Variants in RASAL2 observed in about 807,000 individuals in gnomAD.
RASAL2 encodes ras GTPase-activating protein nGAP.
Under a neutral mutation model 128.9 loss-of-function variants are expected in RASAL2, and 58 were observed. The observed-to-expected ratio is 0.45, with a 90% confidence interval of 0.36 to 0.56. RASAL2 has a LOEUF of 0.56. Among genes scored for constraint, RASAL2 ranks in the 20% least tolerant of loss-of-function variants. The pLI, the probability that RASAL2 is intolerant of heterozygous loss-of-function variation, is 0.00. For missense variants in RASAL2, 1,360 were observed against 1,601.6 expected, an observed-to-expected ratio of 0.85 and a Z score of 2.57; for synonymous variants, 561 against 580.8, an observed-to-expected ratio of 0.97 and a Z score of 0.49.
intron 1 of RASAL2, among the ~76,000 whole-genome samples, chr1:178,280,911 G>A (rs1420594206): frequency 1.3e-5 from 2 of 151,986 alleles, no homozygotes; most frequent in Non-Finnish European, 2.9e-5. Flanking sequence ...ACAAAAATCT[G>A]AGCTTGTCCT....
intron 1 of RASAL2, among the ~76,000 whole-genome samples, chr1:178,126,296 A>G (rs1414725167): frequency 2.0e-5 from 3 of 152,220 alleles, no homozygotes; most frequent in Non-Finnish European, 4.4e-5. Flanking sequence ...TCTCAAACAC[A>G]TGTAAAGATA....
chr1:178,410,243 T>C (rs1223167150), intron 4 of RASAL2, among the ~76,000 whole-genome samples: 5 of 152,052 alleles, frequency 3.3e-5, no homozygotes, highest in Admixed American at 6.6e-5. Context: ...AAAATATTAC[T>C]GTTTAAGATG....
At chr1:178,439,606 T>C in intron 6 of RASAL2, 31 bp downstream of exon 6, 1 of 1,598,740 alleles carries the variant, frequency 6.3e-7, no homozygotes, top group South Asian at 1.1e-5. Flanking sequence ...AAAGGAAGAG[T>C]AGTTAAACAA....
chr1:178,208,181 G>T (rs148156606), intron 1 of RASAL2, among the ~76,000 whole-genome samples: 1 of 152,144 alleles, frequency 6.6e-6, no homozygotes, highest in Non-Finnish European at 1.5e-5. Flanking sequence ...GAATAACAGC[G>T]ATTTTTAGGG....
chr1:178,130,367 C>T (rs1660059827), intron 1 of RASAL2, among the ~76,000 whole-genome samples: 1 of 152,062 alleles, frequency 6.6e-6, no homozygotes. Flanking sequence ...GTTAAGTTGC[C>T]CTGAAATATC....
chr1:178,305,340 A>C (rs1316570328), intron 3 of RASAL2, among the ~76,000 whole-genome samples: 1 of 152,188 alleles, frequency 6.6e-6, no homozygotes, highest in Non-Finnish European at 1.5e-5. Flanking sequence ...TGAATAGCCA[A>C]AGTCATTCTG....
chr1:178,211,051 C>G (rs535629250), intron 1 of RASAL2, among the ~76,000 whole-genome samples: 3 of 152,184 alleles, frequency 2.0e-5, no homozygotes, highest in Non-Finnish European at 4.4e-5. Context: ...CCCTGTCAAG[C>G]CTGGTCTCTG....
At chr1:178,260,421 T>A (rs1665642504) in intron 1 of RASAL2, among the ~76,000 whole-genome samples, 9 of 99,384 alleles carry the variant, frequency 9.1e-5, no homozygotes, top group African/African-American at 1.2e-4. Context: ...TATATGATAA[T>A]AATTTTAGCA....
Position 178,473,769 on chromosome 1 carries a change from C to T in RASAL2, c.*530C>T, listed in dbSNP as rs930547113. 1 of 155,026 alleles carries T rather than the reference C, an allele frequency of 6.5e-6. No homozygotes were observed. Among genetic ancestry groups the T allele is most frequent in the African/African-American group, 2.4e-5 (1 of 41,460 alleles). The allele number at this position is 155,026 out of a possible 1,614,324, so 9.6% of individuals were successfully genotyped here. A position where few individuals can be genotyped will look rare whatever the true frequency, so the allele number is the denominator to read the frequency against. Reference sequence around the variant, plus strand: ...CTGGCCCTCTTGTCCTTTCAGAAAACATGCAAATACCAAGATCCATACAAA... The same window carrying T: ...CTGGCCCTCTTGTCCTTTCAGAAAATATGCAAATACCAAGATCCATACAAA... On this transcript the variant is annotated 3_prime_UTR_variant, in exon 18 of 18. Transcript: ENST00000367649.
chr1:178,411,711 A>T (rs1268411561), intron 4 of RASAL2: 2 of 811,570 alleles, frequency 2.5e-6, no homozygotes, highest in African/African-American at 3.3e-5. Flanking sequence ...CTGGCAAAGA[A>T]ACCATCTGCC....
chr1:178,237,568 C>T (rs1313068398), intron 1 of RASAL2, among the ~76,000 whole-genome samples: 1 of 152,274 alleles, frequency 6.6e-6, no homozygotes, highest in East Asian at 1.9e-4. Flanking sequence ...TGGAGTTTAC[C>T]AATGTGGTGG....
chr1:178,133,005 T>C (rs1242482840), intron 1 of RASAL2, among the ~76,000 whole-genome samples: 1 of 152,190 alleles, frequency 6.6e-6, no homozygotes, highest in African/African-American at 2.4e-5. Context: ...CCTCAGGTGA[T>C]CCACCCGCCT....
At chr1:178,198,996 T>C (rs1211653318) in intron 1 of RASAL2, among the ~76,000 whole-genome samples, 4 of 152,184 alleles carry the variant, frequency 2.6e-5, no homozygotes, top group African/African-American at 9.7e-5. Context: ...TCCTGGCCGC[T>C]TTGTTTACCT....
At chr1:178,095,140 G>A (rs535195383) in intron 1 of RASAL2, among the ~76,000 whole-genome samples, 1 of 152,298 alleles carries the variant, frequency 6.6e-6, no homozygotes, top group East Asian at 1.9e-4. Context: ...TGCAAACTAT[G>A]TATTTGGTGG....
intron 1 of RASAL2, among the ~76,000 whole-genome samples, chr1:178,163,719 A>G (rs188752099): frequency 1.3e-5 from 2 of 152,174 alleles, no homozygotes; most frequent in African/African-American, 4.8e-5. Context: ...AAATGCGAGT[A>G]CTCCAACTTT....
intron 12 of RASAL2, among the ~76,000 whole-genome samples, chr1:178,456,285 T>G (rs746641564): frequency 1.6e-4 from 25 of 152,292 alleles, no homozygotes; most frequent in Non-Finnish European, 3.1e-4. Flanking sequence ...TCTTTGAAAG[T>G]TTATCATACT....
intron 3 of RASAL2, among the ~76,000 whole-genome samples, chr1:178,387,362 G>T (rs879867049): frequency 3.3e-5 from 5 of 150,496 alleles, no homozygotes; most frequent in Non-Finnish European, 7.4e-5. Flanking sequence ...TACAGAAAGA[G>T]AATTTTTTTT....
At chr1:178,255,123 T>C (rs1424778030) in intron 1 of RASAL2, among the ~76,000 whole-genome samples, 2 of 151,964 alleles carry the variant, frequency 1.3e-5, no homozygotes, top group Admixed American at 6.6e-5. Context: ...AAAATCAGAA[T>C]GATATAAAGA....
intron 3 of RASAL2, among the ~76,000 whole-genome samples, chr1:178,327,541 A>G (rs1391901756): frequency 1.3e-5 from 2 of 151,930 alleles, no homozygotes; most frequent in Admixed American, 6.6e-5. Context: ...TAATAGAGAC[A>G]GTATTTCTCC....
Sources: gnomAD v4.1 joint callset for allele counts (sites outside exome capture counted in the v4.1 genomes callset) on GRCh38, gnomAD v4.1.1 for gene constraint, MANE v1.5 for transcripts, NCBI Gene and HGNC (gene_info 2026-07-23, HGNC 2026-07-21) for gene names.